The following PRTFDC1 variants were observed in gnomAD, a reference collection of about 807,000 sequenced individuals.
PRTFDC1 encodes phosphoribosyltransferase domain-containing protein 1.
In PRTFDC1, 38 loss-of-function variants were observed where a neutral mutation model predicts 34.6. That is an observed-to-expected ratio of 1.10 (90% CI 0.85 to 1.44). The LOEUF (loss-of-function observed/expected upper bound fraction) is 1.44, where lower values mean the gene tolerates loss of function less well. Ranked by LOEUF, PRTFDC1 falls within the 40% of genes most tolerant of loss-of-function variation. The pLI is 0.00. For missense variants in PRTFDC1, 270 were observed against 283.0 expected (o/e 0.95, Z 0.33); for synonymous variants, 93 against 98.1 (o/e 0.95, Z 0.31).
At chr10:24,860,084 A>C (rs1847651635) in intron 4 of PRTFDC1, among the ~76,000 whole-genome samples, 1 of 152,182 alleles carries the variant, frequency 6.6e-6, no homozygotes, top group Non-Finnish European at 1.5e-5. Context: ...TTTATACAAT[A>C]CTTTAAGAAT....
At chr10:24,905,624 T>A (rs1375295614) in intron 3 of PRTFDC1, among the ~76,000 whole-genome samples, 1 of 152,104 alleles carries the variant, frequency 6.6e-6, no homozygotes, top group African/African-American at 2.4e-5. Flanking sequence ...AGAAATTTTT[T>A]AAAAGTGTCT....
intron 1 of PRTFDC1, among the ~76,000 whole-genome samples, chr10:24,946,100 T>TG (rs1424793635): frequency 6.6e-6 from 1 of 152,122 alleles, no homozygotes; most frequent in Non-Finnish European, 1.5e-5. Flanking sequence ...CCTCCACCAG[T>TG]GGCACCATTA....
intron 3 of PRTFDC1, among the ~76,000 whole-genome samples, chr10:24,902,295 C>T (rs1848463090): frequency 6.6e-6 from 1 of 152,070 alleles, no homozygotes; most frequent in South Asian, 2.1e-4. Context: ...GTTTGGCCAA[C>T]TCATAGAGCT....
chr10:24,921,406 G>A (rs1848785646), intron 3 of PRTFDC1, among the ~76,000 whole-genome samples: 1 of 152,080 alleles, frequency 6.6e-6, no homozygotes, highest in African/African-American at 2.4e-5. Context: ...CCCCCATCCC[G>A]GTCCTTCAAC....
chr10:24,946,012 G>A (rs1008931670), intron 1 of PRTFDC1, among the ~76,000 whole-genome samples: 4 of 152,100 alleles, frequency 2.6e-5, no homozygotes, highest in Admixed American at 2.6e-4. Context: ...CCAGGCCCCA[G>A]GGGGATCATC....
intron 3 of PRTFDC1, among the ~76,000 whole-genome samples, chr10:24,902,354 A>G (rs1216940198): frequency 2.0e-5 from 3 of 152,116 alleles, no homozygotes; most frequent in Non-Finnish European, 4.4e-5. Flanking sequence ...CTTTATTTTT[A>G]TCTGCTCCAG....
chr10:24,908,070 T>G (rs1848564051), intron 3 of PRTFDC1, among the ~76,000 whole-genome samples: 1 of 152,306 alleles, frequency 6.6e-6, no homozygotes, highest in Non-Finnish European at 1.5e-5. Context: ...CAACACTGCT[T>G]TCTAGGATAT....
intron 3 of PRTFDC1, among the ~76,000 whole-genome samples, chr10:24,887,706 C>T (rs1415948212): frequency 2.0e-5 from 3 of 152,132 alleles, no homozygotes; most frequent in Non-Finnish European, 2.9e-5. Flanking sequence ...CTGTCAAAAT[C>T]ATAATCATGC....
chr10:24,942,905 C>T (rs1849187925), intron 1 of PRTFDC1, among the ~76,000 whole-genome samples: 1 of 152,112 alleles, frequency 6.6e-6, no homozygotes, highest in South Asian at 2.1e-4. Flanking sequence ...GCCTCAGCTT[C>T]CTAAAGTGCT....
intron 3 of PRTFDC1, among the ~76,000 whole-genome samples, chr10:24,901,083 T>C (rs1483803401): frequency 2.6e-5 from 4 of 152,232 alleles, no homozygotes; most frequent in African/African-American, 4.8e-5. Context: ...CAGAATCATA[T>C]GCTTCAGACA....
intron 3 of PRTFDC1, among the ~76,000 whole-genome samples, chr10:24,883,901 T>A (rs1182198846): frequency 6.7e-6 from 1 of 149,368 alleles, no homozygotes; most frequent in Non-Finnish European, 1.5e-5. Context: ...CTTGGCTCAC[T>A]GCAACCTTTG....
At chr10:24,890,850 C>T (rs1462856585) in intron 3 of PRTFDC1, among the ~76,000 whole-genome samples, 1 of 152,188 alleles carries the variant, frequency 6.6e-6, no homozygotes, top group Non-Finnish European at 1.5e-5. Context: ...GGCACTCCCT[C>T]AAAAGGCACC....
chr10:24,933,784 C>T (rs1849005948), intron 3 of PRTFDC1, among the ~76,000 whole-genome samples: 1 of 151,628 alleles, frequency 6.6e-6, no homozygotes, highest in South Asian at 2.1e-4. Flanking sequence ...ACCTCTGCCT[C>T]CCAGGTTCGA....
chr10:24,901,038 A>T (rs1848441986), intron 3 of PRTFDC1, among the ~76,000 whole-genome samples: 1 of 152,232 alleles, frequency 6.6e-6, no homozygotes, highest in Non-Finnish European at 1.5e-5. Context: ...ATCATATTAT[A>T]GCATCGGAAA....
rs536925047 is a variant in PRTFDC1, at chr10:24,849,234, C to T, written c.*610G>A. 2.0e-5 allele frequency: 3 copies of T among 152,678 alleles called. No individual in the cohort carries two copies. The highest frequency in any genetic ancestry group is 4.4e-5 in the Non-Finnish European group (3 of 68,082). The allele number at this position is 152,678 out of a possible 1,614,324, so 9.5% of individuals were successfully genotyped here. ...CCAATCAAGAGCCCCGAGCAAAGCT[C>T]GTTTCATAACATCATTAAGATTCAT... On this transcript the variant is annotated 3_prime_UTR_variant, in exon 9 of 9. Coordinates refer to ENST00000320152, the MANE Select transcript of PRTFDC1 (RefSeq NM_020200.7).
At chr10:24,850,093 G>C (rs1235598306) in intron 8 of PRTFDC1, among the ~76,000 whole-genome samples, 1 of 152,156 alleles carries the variant, frequency 6.6e-6, no homozygotes, top group East Asian at 1.9e-4. Context: ...TTAGTTTGGA[G>C]ATTCCTATTC....
chr10:24,873,205 G>T (rs1847907012), intron 3 of PRTFDC1, among the ~76,000 whole-genome samples: 2 of 151,924 alleles, frequency 1.3e-5, no homozygotes, highest in South Asian at 4.2e-4. Context: ...TTTATGTATG[G>T]TATATTATCC....
chr10:24,910,631 A>G (rs1848611685), intron 3 of PRTFDC1, among the ~76,000 whole-genome samples: 1 of 152,214 alleles, frequency 6.6e-6, no homozygotes, highest in African/African-American at 2.4e-5. Flanking sequence ...CCCAGCATAC[A>G]AAAATACAAG....
Position 24,904,742 on chromosome 10 carries a change from C to T in PRTFDC1, c.339+32442G>A, listed in dbSNP as rs76142067. Among the ~76,000 whole-genome samples, 25 of 152,282 alleles carry T rather than the reference C, an allele frequency of 1.6e-4. 1 individual carries two copies. In the East Asian group the frequency reaches 4.6e-3, roughly 28 times the overall value. On this transcript the variant is annotated intron_variant, in intron 3 of 8. Coordinates refer to ENST00000320152, the MANE Select transcript of PRTFDC1 (RefSeq NM_020200.7). ...AGACCACTCTTATTTGTTCCTTTAC[C>T]TATGCTACTGATCCTGTCCATGTGC...
Sources: gnomAD v4.1 joint callset for allele counts (sites outside exome capture counted in the v4.1 genomes callset) on GRCh38, gnomAD v4.1.1 for gene constraint, MANE v1.5 for transcripts, NCBI Gene and HGNC (gene_info 2026-07-23, HGNC 2026-07-21) for gene names.